The following PTPRR variants were observed in gnomAD, a reference collection of about 807,000 sequenced individuals.
The protein encoded by PTPRR is receptor-type tyrosine-protein phosphatase R.
Under a neutral mutation model 77.2 loss-of-function variants are expected in PTPRR, and 38 were observed. The ratio of observed to expected loss-of-function variants is 0.49; its 90% CI spans 0.38 to 0.65. PTPRR has a LOEUF of 0.65. PTPRR is among the 30% of genes least tolerant of loss of function. The pLI is 0.00. For synonymous variants in PTPRR, 299 were observed against 283.1 expected (o/e 1.06, Z -0.57); for missense variants, 744 against 799.2 (o/e 0.93, Z 0.83).
intron 2 of PTPRR, among the ~76,000 whole-genome samples, chr12:70,808,171 C>A (rs1404800561): frequency 1.3e-5 from 2 of 152,080 alleles, no homozygotes; most frequent in Non-Finnish European, 2.9e-5. Context: ...TCCTGCAGCA[C>A]CCCCAGGCTT....
intron 2 of PTPRR, among the ~76,000 whole-genome samples, chr12:70,819,171 A>C (rs193088304): frequency 1.0e-3 from 156 of 152,282 alleles, no homozygotes; most frequent in Non-Finnish European, 1.4e-3. Context: ...AAATACAAAA[A>C]TTAGCCAGGT....
intron 10 of PTPRR, among the ~76,000 whole-genome samples, chr12:70,666,986 C>T (rs1250975022): frequency 4.2e-5 from 4 of 96,380 alleles, no homozygotes; most frequent in East Asian, 3.2e-4. Flanking sequence ...GACGGAGTCT[C>T]GCTCTGTCAC....
intron 10 of PTPRR, among the ~76,000 whole-genome samples, chr12:70,683,757 TG>T (rs1219654388): frequency 5.9e-5 from 9 of 152,372 alleles, no homozygotes; most frequent in South Asian, 2.1e-4. Context: ...TGGTGTGTTT[TG>T]TTTACTATTG....
intron 12 of PTPRR, 72 bp from the exon 13 acceptor site, chr12:70,656,889 G>C: frequency 9.3e-7 from 1 of 1,073,560 alleles, no homozygotes; most frequent in Non-Finnish European, 1.4e-6. Flanking sequence ...TTTTACAAGG[G>C]TACTTTTAAA....
At chr12:70,919,674 T>G (rs919689409) in intron 1 of PTPRR, among the ~76,000 whole-genome samples, 1 of 10,948 alleles carries the variant, frequency 9.1e-5, no homozygotes, top group East Asian at 2.6e-3. Flanking sequence ...ACTGTAATTG[T>G]TTTTTTTTTT....
chr12:70,898,661 T>C (rs1893478206), intron 1 of PTPRR, among the ~76,000 whole-genome samples: 1 of 149,726 alleles, frequency 6.7e-6, no homozygotes, highest in Admixed American at 6.7e-5. Flanking sequence ...AAATCAAAGG[T>C]CTCAAATCAA....
At chr12:70,756,270 C>G (rs1890561494) in intron 4 of PTPRR, among the ~76,000 whole-genome samples, 1 of 151,528 alleles carries the variant, frequency 6.6e-6, no homozygotes, top group Non-Finnish European at 1.5e-5. Context: ...CCATCCCCCA[C>G]TCCCAGTTAG....
At chr12:70,842,850 A>G (rs1036874368) in intron 2 of PTPRR, among the ~76,000 whole-genome samples, 1 of 152,182 alleles carries the variant, frequency 6.6e-6, no homozygotes, top group African/African-American at 2.4e-5. Context: ...TTGGCCTACC[A>G]CAGCAAGACA....
At chr12:70,875,121 G>C (rs1041172463) in intron 2 of PTPRR, among the ~76,000 whole-genome samples, 1 of 152,016 alleles carries the variant, frequency 6.6e-6, no homozygotes, top group Non-Finnish European at 1.5e-5. Context: ...ATACCATGAA[G>C]TAATATGCAC....
chr12:70,696,060 G>A (rs1248582088), intron 8 of PTPRR, among the ~76,000 whole-genome samples: 1 of 152,120 alleles, frequency 6.6e-6, no homozygotes, highest in African/African-American at 2.4e-5. Context: ...AATGTCAAAA[G>A]TTAAAAAGAC....
At chr12:70,658,976 C>T (rs1227854193) in intron 12 of PTPRR, among the ~76,000 whole-genome samples, 1 of 139,188 alleles carries the variant, frequency 7.2e-6, no homozygotes, top group Admixed American at 7.8e-5. Context: ...GATCTTGACT[C>T]ACTGCAACCT....
At chr12:70,663,484 T>A (rs1234837017) in intron 10 of PTPRR, among the ~76,000 whole-genome samples, 1 of 152,192 alleles carries the variant, frequency 6.6e-6, no homozygotes, top group Non-Finnish European at 1.5e-5. Context: ...TTATTGCTGT[T>A]GTTATTTTAA....
chr12:70,846,026 A>G (rs1892478181), intron 2 of PTPRR, among the ~76,000 whole-genome samples: 1 of 152,202 alleles, frequency 6.6e-6, no homozygotes, highest in Non-Finnish European at 1.5e-5. Context: ...TAGACCAAGA[A>G]TGGAAAATAA....
intron 12 of PTPRR, among the ~76,000 whole-genome samples, chr12:70,657,850 T>C (rs1185510259): frequency 6.6e-6 from 1 of 152,188 alleles, no homozygotes; most frequent in African/African-American, 2.4e-5. Flanking sequence ...GGATTCATGC[T>C]TTCCTTTCTA....
intron 13 of PTPRR, among the ~76,000 whole-genome samples, chr12:70,649,472 T>C (rs1327365899): frequency 6.6e-6 from 1 of 152,198 alleles, no homozygotes; most frequent in African/African-American, 2.4e-5. Flanking sequence ...CCTGTGAAGC[T>C]CGTATTCTGC....
chr12:70,747,369 T>A (rs1421493982), intron 5 of PTPRR, among the ~76,000 whole-genome samples: 2 of 152,228 alleles, frequency 1.3e-5, no homozygotes, highest in East Asian at 3.8e-4. Flanking sequence ...GAAACAAATA[T>A]ATCTGTACCT....
At chr12:70,742,838 G>A (rs1035852038) in intron 6 of PTPRR, among the ~76,000 whole-genome samples, 2 of 151,998 alleles carry the variant, frequency 1.3e-5, no homozygotes, top group East Asian at 3.9e-4. Flanking sequence ...TATGGGGAGG[G>A]GAAAAACAAC....
At chr12:70,745,366 A>C (rs1480589851) in intron 6 of PTPRR, among the ~76,000 whole-genome samples, 1 of 152,218 alleles carries the variant, frequency 6.6e-6, no homozygotes, top group Non-Finnish European at 1.5e-5. Flanking sequence ...TGTTGTGGTT[A>C]AAAAATGCAG....
At chr12:70,920,048 T>C (rs1054695393) in intron 1 of PTPRR, among the ~76,000 whole-genome samples, 1 of 152,088 alleles carries the variant, frequency 6.6e-6, no homozygotes, top group Non-Finnish European at 1.5e-5. Flanking sequence ...GCAGGGAATC[T>C]AGACGGAGGG....
Sources: gnomAD v4.1 joint callset for allele counts (sites outside exome capture counted in the v4.1 genomes callset) on GRCh38, gnomAD v4.1.1 for gene constraint, MANE v1.5 for transcripts, NCBI Gene and HGNC (gene_info 2026-07-23, HGNC 2026-07-21) for gene names.